FBXL7: variants seen among roughly 807,000 people sequenced by gnomAD.
FBXL7 encodes F-box and leucine rich repeat protein 7, also known as F-box/LRR-repeat protein 7.
Under a neutral mutation model 38.3 loss-of-function variants are expected in FBXL7, and 12 were observed. The observed-to-expected ratio is 0.31, with a 90% CI of 0.20 to 0.51. FBXL7 has a LOEUF of 0.51. FBXL7 is among the 20% of genes least tolerant of loss of function. The pLI, the probability that FBXL7 is intolerant of heterozygous loss-of-function variation, is 0.98. For missense variants in FBXL7, 567 were observed against 676.4 expected (o/e 0.84, Z 1.79); for synonymous variants, 297 against 300.9 (o/e 0.99, Z 0.13).
intron 2 of FBXL7, among the ~76,000 whole-genome samples, chr5:15,618,888 G>C (rs1740535204): frequency 6.6e-6 from 1 of 152,142 alleles, no homozygotes. Context: ...AAGAAACCGA[G>C]GCAAGTTTCA....
intron 1 of FBXL7, among the ~76,000 whole-genome samples, chr5:15,508,782 G>C (rs897542097): frequency 6.6e-6 from 1 of 152,126 alleles, no homozygotes; most frequent in Non-Finnish European, 1.5e-5. Flanking sequence ...AATTATGCAT[G>C]TGAGTGTATT....
At chr5:15,630,213 A>G (rs1265420233) in intron 2 of FBXL7, among the ~76,000 whole-genome samples, 2 of 152,056 alleles carry the variant, frequency 1.3e-5, no homozygotes, top group African/African-American at 2.4e-5. Flanking sequence ...TAGAAGTCTA[A>G]AAATTCTAAG....
At chr5:15,932,529 T>C (rs1270256917) in intron 3 of FBXL7, among the ~76,000 whole-genome samples, 1 of 152,210 alleles carries the variant, frequency 6.6e-6, no homozygotes, top group Admixed American at 6.5e-5. Flanking sequence ...ATAATATTTA[T>C]ATACCTTACC....
intron 2 of FBXL7, among the ~76,000 whole-genome samples, chr5:15,789,337 A>G (rs954729581): frequency 6.6e-6 from 1 of 152,172 alleles, no homozygotes; most frequent in Admixed American, 6.5e-5. Context: ...CTTTCCAGCC[A>G]GGGTGTTTGA....
chr5:15,533,766 G>A (rs184577205), intron 1 of FBXL7, among the ~76,000 whole-genome samples: 124 of 152,252 alleles, frequency 8.1e-4, no homozygotes, highest in African/African-American at 2.9e-3. Flanking sequence ...ATTAATGCTT[G>A]ATGTGGATAA....
intron 2 of FBXL7, among the ~76,000 whole-genome samples, chr5:15,899,687 T>G (rs1741188334): frequency 6.6e-6 from 1 of 152,140 alleles, no homozygotes; most frequent in South Asian, 2.1e-4. Flanking sequence ...AGTCAGGAAC[T>G]ATTCAGAGGC....
chr5:15,840,845 C>T (rs945573712), intron 2 of FBXL7, among the ~76,000 whole-genome samples: 2 of 83,340 alleles, frequency 2.4e-5, no homozygotes, highest in Non-Finnish European at 4.9e-5. Flanking sequence ...GACTCTGTCT[C>T]AAAAAAAAAA....
intron 2 of FBXL7, among the ~76,000 whole-genome samples, chr5:15,847,715 A>C (rs531614184): frequency 3.0e-3 from 455 of 152,290 alleles, no homozygotes; most frequent in Non-Finnish European, 5.2e-3. Context: ...TTATCCAAGG[A>C]GGACCTGACC....
intron 2 of FBXL7, among the ~76,000 whole-genome samples, chr5:15,719,386 T>C (rs1744134059): frequency 8.1e-6 from 1 of 122,962 alleles, no homozygotes; most frequent in African/African-American, 2.8e-5. Context: ...GATATCATGC[T>C]AAGTGACCTA....
intron 2 of FBXL7, among the ~76,000 whole-genome samples, chr5:15,839,679 G>C (rs550604700): frequency 6.6e-6 from 1 of 151,942 alleles, no homozygotes; most frequent in Non-Finnish European, 1.5e-5. Context: ...TAATAAAGGC[G>C]TTACATTTAG....
At chr5:15,615,413 C>CT (rs1179120285) in intron 1 of FBXL7, among the ~76,000 whole-genome samples, 1 of 152,178 alleles carries the variant, frequency 6.6e-6, no homozygotes, top group African/African-American at 2.4e-5. Flanking sequence ...CCAGATATTG[C>CT]TAAATGTCCC....
intron 2 of FBXL7, among the ~76,000 whole-genome samples, chr5:15,868,314 G>C (rs1739807235): frequency 6.6e-6 from 1 of 152,160 alleles, no homozygotes; most frequent in African/African-American, 2.4e-5. Context: ...AAAGAATGCA[G>C]CTCTCCTGAT....
chr5:15,587,727 G>C (rs772070914), intron 1 of FBXL7, among the ~76,000 whole-genome samples: 1 of 152,168 alleles, frequency 6.6e-6, no homozygotes, highest in African/African-American at 2.4e-5. Context: ...TTTTAACATA[G>C]ATTGGATGAA....
chr5:15,842,671 A>C (rs185641761), intron 2 of FBXL7, among the ~76,000 whole-genome samples: 1 of 152,238 alleles, frequency 6.6e-6, no homozygotes, highest in African/African-American at 2.4e-5. Context: ...AGAATCATGG[A>C]GGCAGTTTCC....
At chr5:15,733,444 A>T (rs1735666760) in intron 2 of FBXL7, among the ~76,000 whole-genome samples, 1 of 152,238 alleles carries the variant, frequency 6.6e-6, no homozygotes, top group Non-Finnish European at 1.5e-5. Flanking sequence ...GTATTATAAT[A>T]ATTGTTTTTC....
chr5:15,562,409 C>T (rs980988738), intron 1 of FBXL7, among the ~76,000 whole-genome samples: 1 of 152,002 alleles, frequency 6.6e-6, no homozygotes, highest in South Asian at 2.1e-4. Flanking sequence ...TTATGTAACT[C>T]AATGGCAAAA....
At chr5:15,766,328 G>C (rs1329903811) in intron 2 of FBXL7, among the ~76,000 whole-genome samples, 2 of 152,148 alleles carry the variant, frequency 1.3e-5, no homozygotes, top group Non-Finnish European at 2.9e-5. Context: ...TAGTGCTTTG[G>C]TATCTCTGTC....
intron 1 of FBXL7, among the ~76,000 whole-genome samples, chr5:15,533,095 T>C (rs1325415731): frequency 6.6e-6 from 1 of 152,146 alleles, no homozygotes; most frequent in Non-Finnish European, 1.5e-5. Context: ...CAGTGGACAT[T>C]GAAGTCTGAA....
intron 2 of FBXL7, among the ~76,000 whole-genome samples, chr5:15,635,238 T>TG (rs1741143587): frequency 6.6e-6 from 1 of 152,074 alleles, no homozygotes; most frequent in Non-Finnish European, 1.5e-5. Context: ...TGATGCACCC[T>TG]GCCTGGGAGG....
Sources: gnomAD v4.1 joint callset for allele counts (sites outside exome capture counted in the v4.1 genomes callset) on GRCh38, gnomAD v4.1.1 for gene constraint, MANE v1.5 for transcripts, NCBI Gene and HGNC (gene_info 2026-07-23, HGNC 2026-07-21) for gene names.